Variants in SWAP70 observed in about 807,000 individuals in gnomAD.
SWAP70 encodes switch-associated protein 70.
Under a neutral mutation model 80.2 loss-of-function variants are expected in SWAP70, and 34 were observed. The ratio of observed to expected loss-of-function variants is 0.42; its 90% CI spans 0.32 to 0.56. The LOEUF is 0.56. Ranked by LOEUF, SWAP70 falls within the 20% of genes least tolerant of loss-of-function variation. SWAP70 has a pLI of 0.09. For missense variants in SWAP70, 578 were observed against 690.7 expected (o/e 0.84, Z 1.83); for synonymous variants, 239 against 238.5 (o/e 1.00, Z -0.02).
At position 9,748,030 on chromosome 11, in the gene SWAP70, C is replaced by G. The variant is rs766662979; in HGVS notation, c.1528C>G (p.Arg510Gly). 1 of 1,614,056 alleles carries G rather than the reference C, an allele frequency of 6.2e-7. No homozygotes were observed. The highest frequency in any genetic ancestry group is 1.3e-5 in the African/African-American group (1 of 75,034). ...GCAGCTGGAGCAGCTTGAGTTAGAA[C>G]GGAAGCAAGCACTTGAGCAGTACGA... ...MEQLEQLELE[R>G]KQALEQYEEV... The change falls in exon 10 of 12, where the codon CGG becomes GGG. Residue 510 changes from arginine to glycine, a missense_variant. Transcript: ENST00000318950.
chr11:9,731,411 A>G (rs1408580840), intron 6 of SWAP70, among the ~76,000 whole-genome samples: 1 of 152,240 alleles, frequency 6.6e-6, no homozygotes, highest in African/African-American at 2.4e-5. Context: ...GGATAATAAT[A>G]GTGCATTCTT....
intron 2 of SWAP70, among the ~76,000 whole-genome samples, chr11:9,711,526 A>C (rs1340531953): frequency 6.6e-6 from 1 of 151,952 alleles, no homozygotes. Flanking sequence ...TCAGGTACTC[A>C]TTTTTCCCTG....
At chr11:9,671,883 T>A (rs1375743893) in intron 1 of SWAP70, among the ~76,000 whole-genome samples, 1 of 108,038 alleles carries the variant, frequency 9.3e-6, no homozygotes, top group Non-Finnish European at 1.7e-5. Flanking sequence ...TTAAATATAA[T>A]TTTAATTTAA....
intron 6 of SWAP70, among the ~76,000 whole-genome samples, chr11:9,729,680 G>C (rs1253228181): frequency 6.6e-6 from 1 of 152,104 alleles, no homozygotes; most frequent in Non-Finnish European, 1.5e-5. Context: ...TTTTAGTAGA[G>C]ACGGGGTTTC....
At position 9,740,166 on chromosome 11, in the gene SWAP70, C is replaced by T; in HGVS notation, c.1189-15C>T. 6.2e-7 allele frequency: 1 copy of T among 1,612,170 alleles called. No homozygotes were observed. The highest frequency in any genetic ancestry group is 8.5e-7 in the Non-Finnish European group (1 of 1,179,028). On this transcript the variant is annotated splice_polypyrimidine_tract_variant and intron_variant, in intron 8 of 11. Transcript: ENST00000318950. ...AGTCAACCTGCATTTAAACAAGACC[C>T]TTTTATACCAACAGATCAGACAGCA...
intron 4 of SWAP70, among the ~76,000 whole-genome samples, chr11:9,726,322 A>G (rs1851225452): frequency 6.6e-6 from 1 of 152,182 alleles, no homozygotes. Context: ...TTACATTATT[A>G]TATTGAATAA....
chr11:9,749,467 T>C (rs1374974163), intron 11 of SWAP70, among the ~76,000 whole-genome samples: 5 of 152,252 alleles, frequency 3.3e-5, no homozygotes, highest in Admixed American at 3.3e-4. Context: ...AGGATGGTCT[T>C]GATCTCCTGA....
intron 9 of SWAP70, among the ~76,000 whole-genome samples, chr11:9,745,739 A>T (rs186539186): frequency 8.5e-5 from 13 of 152,342 alleles, no homozygotes; most frequent in Middle Eastern, 3.4e-3. Context: ...TGTAGTTTCT[A>T]TTCCTTTTTT....
At chr11:9,729,534 T>A in intron 6 of SWAP70, 83 bp downstream of exon 6, 1 of 1,066,116 alleles carries the variant, frequency 9.4e-7, no homozygotes, top group South Asian at 1.4e-5. Flanking sequence ...AGTCTTGCTC[T>A]GTTGCCCGGG....
At chr11:9,691,396 G>C (rs1850696171) in intron 1 of SWAP70, among the ~76,000 whole-genome samples, 1 of 152,220 alleles carries the variant, frequency 6.6e-6, no homozygotes, top group Non-Finnish European at 1.5e-5. Flanking sequence ...TTGGAGCGCA[G>C]GTCTCTTCCA....
chr11:9,704,633 T>C (rs2572936), intron 2 of SWAP70, among the ~76,000 whole-genome samples: 15,503 of 152,124 alleles, frequency 0.1, 1,533 homozygotes, highest in African/African-American at 0.25. Context: ...CCTCAAGTCA[T>C]CTGCCTGCCT....
chr11:9,677,273 T>G (rs1344560620), intron 1 of SWAP70, among the ~76,000 whole-genome samples: 1 of 152,154 alleles, frequency 6.6e-6, no homozygotes, highest in Non-Finnish European at 1.5e-5. Flanking sequence ...TTATTTAGAA[T>G]TTCAGTGGTT....
chr11:9,713,535 A>G lies in SWAP70; in HGVS notation c.310A>G (p.Thr104Ala), dbSNP rs1252123750. 1.2e-6 allele frequency: 2 copies of G among 1,613,946 alleles called. No individual in the cohort carries two copies. The highest frequency in any genetic ancestry group is 1.3e-5 in the African/African-American group (1 of 74,942). The change falls in exon 3 of 12, where the codon ACA becomes GCA. Residue 104 changes from threonine to alanine, a missense_variant. By Grantham distance (58) the Thr-to-Ala change is moderately conservative. Coordinates refer to ENST00000318950, the MANE Select transcript of SWAP70 (RefSeq NM_015055.4). ...CWTLCVKKNL[T>A]KNPLLITEED... is the part of the protein sequence containing the mutation. ...GACCCTCTGTGTCAAAAAAAACCTC[A>G]CAAAGAATCCCCTGCTCATTACAGA...
At chr11:9,672,384 A>T (rs1850429745) in intron 1 of SWAP70, among the ~76,000 whole-genome samples, 1 of 151,020 alleles carries the variant, frequency 6.6e-6, no homozygotes, top group East Asian at 1.9e-4. Context: ...ATTTATTTTG[A>T]GACAGGGTCT....
chr11:9,728,156 A>T lies in SWAP70; in HGVS notation c.746A>T (p.Asp249Val). 1 of 1,612,952 alleles carries T rather than the reference A, an allele frequency of 6.2e-7. No homozygotes were observed. Among genetic ancestry groups the T allele is most frequent in the Non-Finnish European group, 8.5e-7 (1 of 1,179,650 alleles). ...ISYYVSEDLK[D>V]KKGDILLDEN... ...TACTATGTGAGTGAGGATCTGAAGG[A>T]TAAGAAAGGAGACATTCTCTTGGAT... Residue 249 changes from aspartate (D) to valine (V), a missense_variant, in exon 5 of 12, where the codon GAT (aspartate) becomes GTT (valine). Transcript: ENST00000318950.
chr11:9,743,154 G>GT (rs1171936448), intron 9 of SWAP70, among the ~76,000 whole-genome samples: 1 of 147,348 alleles, frequency 6.8e-6, no homozygotes, highest in Non-Finnish European at 1.5e-5. Flanking sequence ...GCGGTGTTTG[G>GT]TTTTTTGTTC....
intron 2 of SWAP70, among the ~76,000 whole-genome samples, chr11:9,697,343 C>T (rs2010535): frequency 0.55 from 83,320 of 150,474 alleles, 25,102 homozygotes; most frequent in South Asian, 0.73. Context: ...AGTGCAGTGC[C>T]GCAATCTCGG....
intron 9 of SWAP70, among the ~76,000 whole-genome samples, chr11:9,742,410 C>T (rs1033576424): frequency 2.0e-5 from 3 of 151,778 alleles, no homozygotes; most frequent in African/African-American, 7.3e-5. Context: ...GATCTCGGCT[C>T]ACTGCAATCT....
Position 9,747,904 on chromosome 11 carries a change from C to T in SWAP70, c.1402C>T (p.His468Tyr). The T allele has an allele frequency of 6.2e-7, 1 of 1,614,146 alleles. No homozygotes were observed. Among genetic ancestry groups the T allele is most frequent in the Non-Finnish European group, 8.5e-7 (1 of 1,180,044 alleles). ...CAAGAGGGCTGAACTAGAAAAGTGGCACTTGGAGCAGCAGCAGGCCATTCA... is the reference window on the plus strand; with the variant it reads ...CAAGAGGGCTGAACTAGAAAAGTGGTACTTGGAGCAGCAGCAGGCCATTCA... ...SSKRAELEKW[H>Y]LEQQQAIQTT... Residue 468 changes from histidine to tyrosine, a missense_variant, in exon 10 of 12, where the codon CAC becomes TAC. His to Tyr is a moderately conservative substitution (Grantham distance 83). Coordinates refer to ENST00000318950, the MANE Select transcript of SWAP70 (RefSeq NM_015055.4).
Sources: gnomAD v4.1 joint callset for allele counts (sites outside exome capture counted in the v4.1 genomes callset) on GRCh38, gnomAD v4.1.1 for gene constraint, MANE v1.5 for transcripts, NCBI Gene and HGNC (gene_info 2026-07-23, HGNC 2026-07-21) for gene names.